The following HS3ST3A1 variants were observed in gnomAD, a reference collection of about 807,000 sequenced individuals.
HS3ST3A1 encodes heparan sulfate-glucosamine 3-sulfotransferase 3A1.
A neutral mutation model predicts 25.7 loss-of-function variants in HS3ST3A1; 19 were observed. The ratio of observed to expected loss-of-function variants is 0.74; its 90% CI spans 0.52 to 1.08. The LOEUF (loss-of-function observed/expected upper bound fraction) is 1.08. Among genes scored for constraint, HS3ST3A1 ranks in the 50% least tolerant of loss-of-function variants. The pLI is 0.00. For synonymous variants in HS3ST3A1, 226 were observed against 278.6 expected, an observed-to-expected ratio of 0.81 and a Z score of 1.88; for missense variants, 459 against 594.3, an observed-to-expected ratio of 0.77 and a Z score of 2.37.
chr17:13,571,213 A>G (rs145873009), intron 1 of HS3ST3A1, among the ~76,000 whole-genome samples: 1 of 152,206 alleles, frequency 6.6e-6, no homozygotes, highest in Non-Finnish European at 1.5e-5. Flanking sequence ...CTTGTGACAC[A>G]TGTAGTTCTA....
intron 1 of HS3ST3A1, among the ~76,000 whole-genome samples, chr17:13,527,841 C>G (rs1906483153): frequency 6.6e-6 from 1 of 152,166 alleles, no homozygotes; most frequent in African/African-American, 2.4e-5. Context: ...GACTTCAAGT[C>G]ACAAAAGGCT....
rs1426739933 is a variant in HS3ST3A1, at chr17:13,600,902, C to T, written c.228G>A (p.Arg76=). 5 of 1,514,898 alleles carry T rather than the reference C, an allele frequency of 3.3e-6. No homozygotes were observed. Among genetic ancestry groups the T allele is most frequent in the African/African-American group, 1.4e-5 (1 of 69,064 alleles). The allele number at this position is 1,514,898 out of a possible 1,614,324, so 93.8% of individuals were successfully genotyped here. Residue 76 remains arginine (R), a synonymous_variant, in exon 1 of 2, where the codon AGG becomes AGA. Transcript: ENST00000284110. ...PGGGVLAGGP[R]ELAVWPAAAQ... is the part of the protein sequence containing the mutation. ...CCGCCGCCGGCCACACCGCCAGCTC[C>T]CTCGGGCCTCCGGCCAGGACGCCGC...
At chr17:13,569,553 A>C (rs548921277) in intron 1 of HS3ST3A1, among the ~76,000 whole-genome samples, 5 of 152,132 alleles carry the variant, frequency 3.3e-5, no homozygotes, top group Non-Finnish European at 7.4e-5. Context: ...CAGCAAGTAC[A>C]CAAAGCCTGC....
intron 1 of HS3ST3A1, among the ~76,000 whole-genome samples, chr17:13,572,449 T>C (rs958231745): frequency 1.3e-5 from 2 of 152,060 alleles, no homozygotes; most frequent in Non-Finnish European, 2.9e-5. Flanking sequence ...TTGGAAATTG[T>C]AAATGGAGGC....
intron 1 of HS3ST3A1, among the ~76,000 whole-genome samples, chr17:13,528,480 GT>G (rs923864563): frequency 2.0e-5 from 3 of 152,214 alleles, no homozygotes; most frequent in Non-Finnish European, 4.4e-5. Context: ...GCTTAGCCCA[GT>G]GACTCCTGTG....
chr17:13,588,501 C>T (rs17663433), intron 1 of HS3ST3A1, among the ~76,000 whole-genome samples: 2,044 of 152,236 alleles, frequency 0.013, 21 homozygotes, highest in Non-Finnish European at 0.018. Flanking sequence ...CACTAGTCAA[C>T]GTTTTTCAAA....
At chr17:13,512,305 CAAAA>C (rs67523378) in intron 1 of HS3ST3A1, among the ~76,000 whole-genome samples, 2,694 of 82,068 alleles carry the variant, frequency 0.033, 41 homozygotes, top group African/African-American at 0.077. Flanking sequence ...GACTCCGTCT[CAAAA>C]AAAAAAAAAA....
intron 1 of HS3ST3A1, among the ~76,000 whole-genome samples, chr17:13,559,609 T>G (rs1352935783): frequency 6.7e-6 from 1 of 150,214 alleles, no homozygotes; most frequent in Non-Finnish European, 1.5e-5. Flanking sequence ...AATTTATTAT[T>G]GGCTAATTTA....
chr17:13,535,298 A>G (rs1302623754), intron 1 of HS3ST3A1, among the ~76,000 whole-genome samples: 1 of 152,208 alleles, frequency 6.6e-6, no homozygotes, highest in East Asian at 1.9e-4. Context: ...TGCAAGGCAC[A>G]TCACAGCCTT....
intron 1 of HS3ST3A1, among the ~76,000 whole-genome samples, chr17:13,548,598 C>T (rs1026794202): frequency 6.6e-6 from 1 of 152,196 alleles, no homozygotes; most frequent in African/African-American, 2.4e-5. Flanking sequence ...GCAGTCTCCA[C>T]TCCACATGTT....
intron 1 of HS3ST3A1, among the ~76,000 whole-genome samples, chr17:13,556,809 G>A (rs940150499): frequency 4.1e-5 from 6 of 147,674 alleles, no homozygotes; most frequent in Admixed American, 6.8e-5. Context: ...CAGAGATCGC[G>A]CCACTGCACT....
chr17:13,498,567 T>C (rs1306167544), intron 1 of HS3ST3A1, among the ~76,000 whole-genome samples: 1 of 152,120 alleles, frequency 6.6e-6, no homozygotes, highest in Admixed American at 6.5e-5. Flanking sequence ...CGTTTGACTG[T>C]AGGTCATAAG....
chr17:13,532,878 C>CATGT (rs1555538814), intron 1 of HS3ST3A1, among the ~76,000 whole-genome samples: 1 of 139,236 alleles, frequency 7.2e-6, no homozygotes, highest in African/African-American at 2.6e-5. Flanking sequence ...AATACATATA[C>CATGT]GTGTGTGTGT....
chr17:13,523,257 A>G (rs981110623), intron 1 of HS3ST3A1, among the ~76,000 whole-genome samples: 4 of 152,208 alleles, frequency 2.6e-5, no homozygotes, highest in Admixed American at 2.0e-4. Flanking sequence ...AGTTGTGTGG[A>G]AAGTGGGTGA....
At chr17:13,501,234 A>T (rs1364231969) in intron 1 of HS3ST3A1, among the ~76,000 whole-genome samples, 1 of 150,996 alleles carries the variant, frequency 6.6e-6, no homozygotes, top group Non-Finnish European at 1.5e-5. Context: ...ACAACGGTTA[A>T]AATGGTAAAT....
chr17:13,532,851 A>G (rs1906645792), intron 1 of HS3ST3A1, among the ~76,000 whole-genome samples: 1 of 137,228 alleles, frequency 7.3e-6, no homozygotes, highest in African/African-American at 2.6e-5. Context: ...CAATATGGTT[A>G]TGGTTACACA....
At chr17:13,534,724 G>A (rs917904964) in intron 1 of HS3ST3A1, among the ~76,000 whole-genome samples, 1 of 151,828 alleles carries the variant, frequency 6.6e-6, no homozygotes, top group African/African-American at 2.4e-5. Context: ...GTGACACCCT[G>A]TCTCAAAAAA....
At chr17:13,599,572 C>T (rs1361648502) in intron 1 of HS3ST3A1, among the ~76,000 whole-genome samples, 1 of 151,858 alleles carries the variant, frequency 6.6e-6, no homozygotes, top group African/African-American at 2.4e-5. Flanking sequence ...ATAATTTTTA[C>T]TGGTACTTTG....
At chr17:13,594,371 C>A (rs768122866) in intron 1 of HS3ST3A1, among the ~76,000 whole-genome samples, 4 of 152,092 alleles carry the variant, frequency 2.6e-5, no homozygotes, top group Non-Finnish European at 4.4e-5. Flanking sequence ...CCTGTCCTGT[C>A]GGAACTCTCA....
Sources: allele counts gnomAD v4.1 joint callset (sites outside exome capture counted in the v4.1 genomes callset), GRCh38; gene constraint gnomAD v4.1.1; transcripts MANE v1.5; gene names NCBI Gene and HGNC (gene_info 2026-07-23, HGNC 2026-07-21).